SLC6A13: variants seen among roughly 807,000 people sequenced by gnomAD.
The protein encoded by SLC6A13 is solute carrier family 6 member 13.
Under a neutral mutation model 72.9 loss-of-function variants are expected in SLC6A13, and 69 were observed. The observed-to-expected ratio is 0.95, with a 90% confidence interval of 0.78 to 1.16. The LOEUF (loss-of-function observed/expected upper bound fraction) is 1.16. Ranked by LOEUF, SLC6A13 falls within the 50% of genes most tolerant of loss-of-function variation. The pLI, the probability that SLC6A13 is intolerant of heterozygous loss-of-function variation, is 0.00. For synonymous variants in SLC6A13, 303 were observed against 303.0 expected (o/e 1.00, Z 0.00); for missense variants, 735 against 760.5 (o/e 0.97, Z 0.39).
Position 221,407 on chromosome 12 carries a change from C to T in SLC6A13, c.1655G>A (p.Arg552Lys). The change falls in exon 14 of 15, where the codon AGA becomes AAA. Residue 552 changes from arginine to lysine, a missense_variant. Coordinates refer to ENST00000343164, the MANE Select transcript of SLC6A13 (RefSeq NM_016615.5). ...MVCIPAWSLYRLGTLKGPFRE... is the reference protein window; with the variant it reads ...MVCIPAWSLYKLGTLKGPFRE... ...GAAGGGGCCCTTGAGGGTTCCGAGT[C>T]TGTAGAGGCTCCAGGCAGGAATGCA... 3 of 1,611,002 alleles carry T rather than the reference C, an allele frequency of 1.9e-6. No homozygotes were observed. The highest frequency in any genetic ancestry group is 1.3e-5 in the African/African-American group (1 of 75,046).
chr12:242,300 C>T (rs879728675), intron 4 of SLC6A13, among the ~76,000 whole-genome samples: 4 of 152,170 alleles, frequency 2.6e-5, no homozygotes, highest in Admixed American at 6.5e-5. Context: ...AGAGAAGATA[C>T]GCGAAACAAA....
chr12:227,554 C>T lies in SLC6A13; in HGVS notation c.935+11G>A, dbSNP rs750061161. The T allele has an allele frequency of 2.5e-6, 4 of 1,613,680 alleles. No individual in the cohort carries two copies. The highest frequency in any genetic ancestry group is 3.4e-6 in the Non-Finnish European group (4 of 1,179,838). On this transcript the variant is annotated intron_variant, in intron 8 of 14. Coordinates refer to ENST00000343164, the MANE Select transcript of SLC6A13 (RefSeq NM_016615.5). The stretch of plus-strand genomic sequence containing the variant: ...GCAGGTGTGTGGCTCAGGCCCCACG[C>T]CCCCAATCACCTGTAGCAGTTGTTG...
intron 7 of SLC6A13, among the ~76,000 whole-genome samples, chr12:233,436 G>A (rs1254889687): frequency 6.6e-6 from 1 of 152,172 alleles, no homozygotes; most frequent in African/African-American, 2.4e-5. Context: ...CGGTAAAAAA[G>A]CCCGCTGTAG....
At chr12:247,475 C>A (rs974385833) in intron 2 of SLC6A13, among the ~76,000 whole-genome samples, 1 of 152,108 alleles carries the variant, frequency 6.6e-6, no homozygotes, top group African/African-American at 2.4e-5. Flanking sequence ...AGCTGTCAAC[C>A]CGGAATTCTA....
At chr12:230,252 G>C (rs146387073) in intron 7 of SLC6A13, among the ~76,000 whole-genome samples, 22 of 152,314 alleles carry the variant, frequency 1.4e-4, no homozygotes, top group Middle Eastern at 3.4e-3. Context: ...GTGGAACGCA[G>C]GTAAAAGAGG....
rs538691841 is a variant in SLC6A13, at chr12:221,552, G to C, written c.1516-6C>G. 285 of 1,574,692 alleles carry C rather than the reference G, an allele frequency of 1.8e-4. 1 individual carries two copies. In the South Asian group the frequency reaches 1.9e-3, roughly 11 times the overall value. On this transcript the variant is annotated splice_polypyrimidine_tract_variant and splice_region_variant and intron_variant, in intron 13 of 14. Coordinates refer to ENST00000343164, the MANE Select transcript of SLC6A13 (RefSeq NM_016615.5). ...AGGGAGAAGAGAAAGGTGGCCTGAG[G>C]GGGAGAGCAGAAGAGAAAGGGGTTG...
At chr12:241,316 TAAA>T (rs1565500497) in intron 4 of SLC6A13, among the ~76,000 whole-genome samples, 1 of 151,584 alleles carries the variant, frequency 6.6e-6, no homozygotes, top group South Asian at 2.1e-4. Context: ...AAAATAAAAA[TAAA>T]AAAGATAAAA....
intron 2 of SLC6A13, among the ~76,000 whole-genome samples, chr12:248,134 A>C (rs1591856544): frequency 6.6e-6 from 1 of 152,340 alleles, no homozygotes; most frequent in East Asian, 1.9e-4. Flanking sequence ...TAATCGTATT[A>C]AATGCAAATG....
At chr12:257,708 G>A (rs1031879611) in intron 2 of SLC6A13, among the ~76,000 whole-genome samples, 2 of 120,632 alleles carry the variant, frequency 1.7e-5, no homozygotes, top group African/African-American at 5.0e-5. Flanking sequence ...GACTCACCAC[G>A]CAGCCCTGGG....
chr12:229,091 C>T (rs1422172426), intron 7 of SLC6A13, among the ~76,000 whole-genome samples: 1 of 152,102 alleles, frequency 6.6e-6, no homozygotes, highest in African/African-American at 2.4e-5. Context: ...GTCTGTGAGG[C>T]AGGAGGTGCC....
At chr12:221,120 T>G (rs1282334281) in intron 14 of SLC6A13, 50 bp from the exon 15 acceptor site, 5 of 1,539,552 alleles carry the variant, frequency 3.2e-6, no homozygotes, top group Non-Finnish European at 4.4e-6. Context: ...GGGGCAGGTC[T>G]GCCAGCTTCC....
chr12:231,590 C>T (rs1941711818), intron 7 of SLC6A13, among the ~76,000 whole-genome samples: 1 of 152,190 alleles, frequency 6.6e-6, no homozygotes, highest in South Asian at 2.1e-4. Flanking sequence ...GCACTTGAGC[C>T]ATCCCCCTCC....
At position 221,402 on chromosome 12, in the gene SLC6A13, C is replaced by T. The variant is rs765381838; in HGVS notation, c.1660G>A (p.Gly554Arg). 16 of 1,608,606 alleles carry T rather than the reference C, an allele frequency of 9.9e-6. No individual in the cohort carries two copies. The highest frequency in any genetic ancestry group is 3.4e-5 in the Admixed American group (2 of 58,692). Residue 554 changes from glycine (G) to arginine (R), a missense_variant, in exon 14 of 15, where the codon GGA becomes AGA. Transcript: ENST00000343164. ...CIPAWSLYRL[G>R]TLKGPFRERI... is the part of the protein sequence containing the mutation. ...TCTCTGAAGGGGCCCTTGAGGGTTC[C>T]GAGTCTGTAGAGGCTCCAGGCAGGA...
chr12:235,337 T>G (rs923148709), intron 6 of SLC6A13, 113 bp from the exon 7 acceptor site: 1 of 1,016,132 alleles, frequency 9.8e-7, no homozygotes, highest in African/African-American at 1.6e-5. Context: ...AAGGGAGTGT[T>G]CCTCCTGCTC....
At chr12:247,696 T>G (rs1942401620) in intron 2 of SLC6A13, among the ~76,000 whole-genome samples, 1 of 152,086 alleles carries the variant, frequency 6.6e-6, no homozygotes, top group African/African-American at 2.4e-5. Flanking sequence ...TAGATAAACA[T>G]AGAGAATGTT....
chr12:241,043 C>T (rs138501607), intron 4 of SLC6A13, among the ~76,000 whole-genome samples: 1,763 of 152,284 alleles, frequency 0.012, 29 homozygotes, highest in African/African-American at 0.04. Context: ...CAGTGGCTCA[C>T]GCCTGTAATC....
intron 7 of SLC6A13, among the ~76,000 whole-genome samples, chr12:232,631 C>A (rs1466179115): frequency 2.6e-5 from 4 of 152,212 alleles, no homozygotes; most frequent in African/African-American, 9.7e-5. Context: ...GGCTCCAAAG[C>A]CTGACCGCTG....
Position 220,759 on chromosome 12 carries a change from G to GTT in SLC6A13, c.*187_*188dup. On this transcript the variant is annotated 3_prime_UTR_variant, in exon 15 of 15. Transcript: ENST00000343164. ...CTCTTGGCACTGGCCTTTCACATCTGTTCAACAACCCCTGAGCTGAAAAGT... is the reference window on the plus strand; with the variant it reads ...CTCTTGGCACTGGCCTTTCACATCTGTTTTCAACAACCCCTGAGCTGAAAAGT... 1.6e-6 allele frequency: 1 copy of GTT among 636,986 alleles called. No homozygotes were observed. Among genetic ancestry groups the GTT allele is most frequent in the East Asian group, 3.0e-5 (1 of 33,242 alleles). 39.5% of individuals were successfully genotyped at this position (636,986 alleles called of 1,614,324 possible).
At chr12:259,811 T>A in intron 2 of SLC6A13, 40 bp downstream of exon 2, 2 of 1,614,186 alleles carry the variant, frequency 1.2e-6, no homozygotes, top group South Asian at 2.2e-5. Flanking sequence ...GTATCCTCCT[T>A]CCAGGAGTGG....
Sources: gnomAD v4.1 joint callset for allele counts (sites outside exome capture counted in the v4.1 genomes callset) on GRCh38, gnomAD v4.1.1 for gene constraint, MANE v1.5 for transcripts, NCBI Gene and HGNC (gene_info 2026-07-23, HGNC 2026-07-21) for gene names.